Variants in C6 observed in about 807,000 individuals in gnomAD.
The protein encoded by C6 is complement C6, also known as complement component C6.
A neutral mutation model predicts 112.9 loss-of-function variants in C6; 101 were observed. The ratio of observed to expected loss-of-function variants is 0.89; its 90% CI spans 0.76 to 1.06. The LOEUF (loss-of-function observed/expected upper bound fraction) is 1.06. Among genes scored for constraint, C6 ranks in the 50% least tolerant of loss-of-function variants. C6 has a pLI of 0.00. For missense variants in C6, 1,202 were observed against 1,104.6 expected (o/e 1.09, Z -1.25); for synonymous variants, 431 against 384.1 (o/e 1.12, Z -1.43).
chr5:41,208,893 C>G lies in C6; in HGVS notation c.-21+4483G>C, dbSNP rs539433394. Among the ~76,000 whole-genome samples the G allele has an allele frequency of 2.0e-5, 3 of 152,166 alleles. No individual in the cohort carries two copies. In the South Asian group the frequency reaches 6.2e-4, roughly 32 times the overall value. ...TTATGAGGCCAGCATCATCCTGATA[C>G]CAAAGCCTGGCAGAGACACAACGAA... On this transcript the variant is annotated intron_variant, in intron 1 of 17. Transcript: ENST00000337836.
intron 1 of C6, among the ~76,000 whole-genome samples, chr5:41,250,800 G>A (rs1405907024): frequency 6.6e-6 from 1 of 152,168 alleles, no homozygotes; most frequent in East Asian, 1.9e-4. Context: ...CACTGAGATT[G>A]TGTAGTTGTT....
chr5:41,181,947 A>G (rs1473567221), intron 6 of C6, among the ~76,000 whole-genome samples: 2 of 152,190 alleles, frequency 1.3e-5, no homozygotes, highest in Non-Finnish European at 2.9e-5. Flanking sequence ...TAACTAAGAT[A>G]CTTTTCAGTT....
intron 1 of C6, among the ~76,000 whole-genome samples, chr5:41,255,411 A>G (rs1176232655): frequency 1.3e-5 from 2 of 151,908 alleles, no homozygotes; most frequent in Non-Finnish European, 2.9e-5. Context: ...ATCCACTTTC[A>G]TTCTTTCATA....
chr5:41,258,289 C>T (rs1436798271), intron 1 of C6, among the ~76,000 whole-genome samples: 1 of 152,084 alleles, frequency 6.6e-6, no homozygotes, highest in Non-Finnish European at 1.5e-5. Context: ...TCATAAACTT[C>T]TTTATTCTAT....
Position 41,203,179 on chromosome 5 carries a change from T to C in C6, c.52A>G (p.Lys18Glu). ...YFILLNALIN[K>E]GQACFCDHYA... ...TGATCACAGAAGCAGGCTTGGCCCT[T>C]GTTGATCAGAGCATTCAGCAGGATG... is the stretch of plus-strand genomic sequence containing the variant. Residue 18 changes from lysine (K) to glutamate (E), a missense_variant, in exon 2 of 18, where the codon AAG (lysine) becomes GAG (glutamate). By Grantham distance (56) the Lys-to-Glu change is moderately conservative (BLOSUM62 1). Transcript: ENST00000337836. 1.2e-6 allele frequency: 2 copies of C among 1,614,090 alleles called. No individual in the cohort carries two copies. Among genetic ancestry groups the C allele is most frequent in the Non-Finnish European group, 1.7e-6 (2 of 1,179,972 alleles).
upstream of C6, among the ~76,000 whole-genome samples, chr5:41,216,858 C>G (rs1470499008): frequency 6.6e-6 from 1 of 152,082 alleles, no homozygotes; most frequent in Non-Finnish European, 1.5e-5. Context: ...TAGCACAACC[C>G]TATTCAAAAT....
intron 8 of C6, among the ~76,000 whole-genome samples, chr5:41,176,000 T>A (rs1748810617): frequency 6.6e-6 from 1 of 152,208 alleles, no homozygotes; most frequent in African/African-American, 2.4e-5. Context: ...TCATCATATG[T>A]TTCATCTTGG....
At chr5:41,256,693 A>G (rs1231464392) in intron 1 of C6, among the ~76,000 whole-genome samples, 1 of 152,220 alleles carries the variant, frequency 6.6e-6, no homozygotes, top group Non-Finnish European at 1.5e-5. Flanking sequence ...AATGACCTCA[A>G]TAATGTTGCC....
At chr5:41,235,058 C>CTTTTTTTTTTTTTTT (rs11340018) in intron 1 of C6, among the ~76,000 whole-genome samples, 1 of 124,816 alleles carries the variant, frequency 8.0e-6, no homozygotes. Context: ...CATTCTCATT[C>CTTTTTTTTTTTTTTT]TTTTTTTTTT....
intron 17 of C6, among the ~76,000 whole-genome samples, chr5:41,146,092 C>A (rs947084681): frequency 2.6e-5 from 4 of 152,220 alleles, no homozygotes; most frequent in South Asian, 2.1e-4. Context: ...GTTACTCCTC[C>A]AAAAATTTGA....
chr5:41,250,852 T>C (rs961358974), intron 1 of C6, among the ~76,000 whole-genome samples: 7 of 152,210 alleles, frequency 4.6e-5, no homozygotes. Context: ...GGTTTATTAT[T>C]TAGTAGGAAA....
intron 9 of C6, among the ~76,000 whole-genome samples, chr5:41,164,589 G>C (rs1321944531): frequency 2.6e-5 from 4 of 152,178 alleles, no homozygotes; most frequent in Admixed American, 2.6e-4. Flanking sequence ...GAAAGGTTTT[G>C]AGGTGGGGAT....
intron 9 of C6, among the ~76,000 whole-genome samples, chr5:41,168,673 T>C (rs567903315): frequency 6.6e-6 from 1 of 152,304 alleles, no homozygotes; most frequent in African/African-American, 2.4e-5. Context: ...GAAGATTGCA[T>C]TGACACAGTT....
At chr5:41,185,942 A>G in intron 6 of C6, 128 bp downstream of exon 6, 1 of 1,129,688 alleles carries the variant, frequency 8.9e-7, no homozygotes, top group Non-Finnish European at 1.3e-6. Context: ...ATACAAACAC[A>G]TAACACGTGA....
chr5:41,186,262 T>C, intron 5 of C6, 54 bp from the exon 6 acceptor site: 17 of 1,588,608 alleles, frequency 1.1e-5, no homozygotes, highest in Non-Finnish European at 1.5e-5. Context: ...ATCTTTAAAA[T>C]TTACCTTAGT....
At chr5:41,191,886 G>A (rs965416260) in intron 5 of C6, among the ~76,000 whole-genome samples, 2 of 151,460 alleles carry the variant, frequency 1.3e-5, no homozygotes, top group African/African-American at 2.4e-5. Flanking sequence ...TTCCAGTTTG[G>A]ATCCATTTAT....
chr5:41,213,856 T>G (rs190620649), upstream of C6, among the ~76,000 whole-genome samples: 1 of 152,312 alleles, frequency 6.6e-6, no homozygotes, highest in East Asian at 1.9e-4. Flanking sequence ...TGATTGTGTA[T>G]GTAGAAAATT....
chr5:41,176,728 A>C lies in C6; in HGVS notation c.928-13T>G. On this transcript the variant is annotated splice_polypyrimidine_tract_variant and intron_variant, in intron 7 of 17. Coordinates refer to ENST00000337836, the MANE Select transcript of C6 (RefSeq NM_000065.5). Reference sequence around the variant, plus strand: ...TAAAACTAGAATCCTAAATGGAAGAAAGAAGTAAAAAGATGATTAAAGGTA... The same window carrying C: ...TAAAACTAGAATCCTAAATGGAAGACAGAAGTAAAAAGATGATTAAAGGTA... 6.2e-7 allele frequency: 1 copy of C among 1,603,886 alleles called. No individual in the cohort carries two copies. The highest frequency in any genetic ancestry group is 8.5e-7 in the Non-Finnish European group (1 of 1,172,762).
At chr5:41,222,799 G>A (rs548083123) in intron 1 of C6, among the ~76,000 whole-genome samples, 32 of 151,898 alleles carry the variant, frequency 2.1e-4, no homozygotes, top group Admixed American at 5.2e-4. Flanking sequence ...CTTGTCCTTC[G>A]GGTTTATAGC....
Sources: allele counts gnomAD v4.1 joint callset (sites outside exome capture counted in the v4.1 genomes callset), GRCh38; gene constraint gnomAD v4.1.1; transcripts MANE v1.5; gene names NCBI Gene and HGNC (gene_info 2026-07-23, HGNC 2026-07-21).